The following ATG7 variants were observed in gnomAD, a reference collection of about 807,000 sequenced individuals.
ATG7 encodes the protein autophagy related 7.
ATG7 carries 70 observed loss-of-function variants against 82.4 expected under a neutral mutation model. The observed-to-expected ratio is 0.85, with a 90% CI of 0.70 to 1.04. The LOEUF (loss-of-function observed/expected upper bound fraction) is 1.04, where lower values mean the gene tolerates loss of function less well. Among genes scored for constraint, ATG7 ranks in the 50% least tolerant of loss-of-function variants. The pLI is 0.00. For synonymous variants in ATG7, 287 were observed against 313.0 expected (o/e 0.92, Z 0.88); for missense variants, 792 against 864.3 (o/e 0.92, Z 1.05).
the ATG7 span, among the ~76,000 whole-genome samples, chr3:11,570,358 T>C: frequency 1.3e-5 from 2 of 152,014 alleles, no homozygotes; most frequent in Non-Finnish European, 1.5e-5. Flanking sequence ...AAAGGAGCAG[T>C]GCGGAGATGC....
At chr3:11,273,729 A>G (rs1026058157) in intron 1 of ATG7, among the ~76,000 whole-genome samples, 2 of 152,204 alleles carry the variant, frequency 1.3e-5, no homozygotes, top group Non-Finnish European at 2.9e-5. Flanking sequence ...CAGTAAAATA[A>G]GAAGAAAAAG....
downstream of ATG7, among the ~76,000 whole-genome samples, chr3:11,562,139 C>T (rs2073076621): frequency 6.6e-6 from 1 of 152,064 alleles, no homozygotes; most frequent in South Asian, 2.1e-4. Flanking sequence ...CTCAAGTGAT[C>T]CGCCGCCTCA....
chr3:11,321,065 G>A (rs1478710002), intron 9 of ATG7, among the ~76,000 whole-genome samples: 1 of 152,222 alleles, frequency 6.6e-6, no homozygotes, highest in Non-Finnish European at 1.5e-5. Context: ...TTGGAGTAGG[G>A]TGCAGATGCG....
chr3:11,518,472 A>G (rs753611102), intron 20 of ATG7, among the ~76,000 whole-genome samples: 4 of 152,030 alleles, frequency 2.6e-5, no homozygotes, highest in Admixed American at 6.6e-5. Context: ...TCTTGAACCC[A>G]GAAGGTAGAG....
intron 17 of ATG7, among the ~76,000 whole-genome samples, chr3:11,364,281 C>CT (rs1172052611): frequency 1.3e-5 from 2 of 152,224 alleles, no homozygotes; most frequent in Non-Finnish European, 2.9e-5. Context: ...TTTGACAAGA[C>CT]TATTTCATAG....
chr3:11,552,967 C>T (rs919642629), intron 20 of ATG7, among the ~76,000 whole-genome samples: 16 of 152,230 alleles, frequency 1.1e-4, no homozygotes, highest in Admixed American at 5.2e-4. Context: ...AGGCCCGAGT[C>T]CTCTTATGAA....
chr3:11,309,124 C>A, intron 7 of ATG7, 63 bp downstream of exon 7: 1 of 1,426,790 alleles, frequency 7.0e-7, no homozygotes, highest in Non-Finnish European at 9.9e-7. Context: ...GCCCAGTGTA[C>A]CAGTAGAACA....
intron 14 of ATG7, among the ~76,000 whole-genome samples, chr3:11,355,059 G>A (rs766532303): frequency 1.3e-5 from 2 of 152,222 alleles, no homozygotes; most frequent in Non-Finnish European, 2.9e-5. Context: ...AAATGAGGGA[G>A]CTGTGCACAG....
chr3:11,561,815 C>T (rs2073033503), downstream of ATG7, among the ~76,000 whole-genome samples: 1 of 151,378 alleles, frequency 6.6e-6, no homozygotes, highest in African/African-American at 2.4e-5. Flanking sequence ...TGTCCTCAGA[C>T]AGAGGCTGCC....
chr3:11,439,039 A>G (rs1331988554), intron 20 of ATG7, among the ~76,000 whole-genome samples: 1 of 145,746 alleles, frequency 6.9e-6, no homozygotes, highest in Admixed American at 6.8e-5. Flanking sequence ...CTGAGCTCTT[A>G]GTCTTATTTT....
the ATG7 span, among the ~76,000 whole-genome samples, chr3:11,572,549 C>T: frequency 6.6e-6 from 1 of 152,204 alleles, no homozygotes; most frequent in Non-Finnish European, 1.5e-5. Flanking sequence ...CCCCTCTCTT[C>T]GTCCCCTGGG....
chr3:11,410,135 C>A (rs995456559), intron 19 of ATG7, among the ~76,000 whole-genome samples: 2 of 152,142 alleles, frequency 1.3e-5, no homozygotes, highest in Non-Finnish European at 2.9e-5. Context: ...ATTGCATTGA[C>A]TCTATAGGTC....
At chr3:11,559,238 T>C, downstream of ATG7, 4 of 1,448,196 alleles carry the variant, frequency 2.8e-6, no homozygotes, top group South Asian at 2.9e-5. Flanking sequence ...ATAGATGGGC[T>C]CAGGGGCGAG....
At chr3:11,535,745 G>C (rs79606646) in intron 20 of ATG7, among the ~76,000 whole-genome samples, 6,967 of 152,236 alleles carry the variant, frequency 0.046, 517 homozygotes, top group African/African-American at 0.15. Context: ...TGTGTTCTCA[G>C]TCTTAGGAGA....
intron 19 of ATG7, among the ~76,000 whole-genome samples, chr3:11,425,744 C>T (rs2082312117): frequency 1.3e-5 from 2 of 152,034 alleles, no homozygotes; most frequent in Non-Finnish European, 2.9e-5. Context: ...AGAAGTACAC[C>T]TTATGTAACC....
chr3:11,285,930 A>C (rs967263420), intron 3 of ATG7, among the ~76,000 whole-genome samples: 2 of 152,196 alleles, frequency 1.3e-5, no homozygotes, highest in Non-Finnish European at 2.9e-5. Context: ...CCCAGCTGTC[A>C]CGTCTTTGTG....
intron 14 of ATG7, among the ~76,000 whole-genome samples, chr3:11,357,870 G>A (rs939398704): frequency 1.9e-4 from 29 of 152,010 alleles, no homozygotes; most frequent in African/African-American, 7.0e-4. Context: ...TCAGCCAGGT[G>A]TGGTGACGTG....
chr3:11,494,765 C>T (rs1039060379), intron 20 of ATG7, among the ~76,000 whole-genome samples: 6 of 152,088 alleles, frequency 3.9e-5, no homozygotes, highest in African/African-American at 1.4e-4. Flanking sequence ...GAGGAGGGGA[C>T]TCATGCACTC....
intron 19 of ATG7, among the ~76,000 whole-genome samples, chr3:11,395,925 G>T (rs1287035665): frequency 8.4e-6 from 1 of 118,768 alleles, no homozygotes; most frequent in Non-Finnish European, 1.6e-5. Context: ...GGGCGACAGA[G>T]CGAGACTCTG....
Sources: allele counts gnomAD v4.1 joint callset (sites outside exome capture counted in the v4.1 genomes callset), GRCh38; gene constraint gnomAD v4.1.1; transcripts MANE v1.5; gene names NCBI Gene and HGNC (gene_info 2026-07-23, HGNC 2026-07-21).